The following OLFML2B variants were observed in gnomAD, a reference collection of about 807,000 sequenced individuals.
OLFML2B encodes the protein olfactomedin like 2B.
Under a neutral mutation model 74.9 loss-of-function variants are expected in OLFML2B, and 57 were observed. The ratio of observed to expected loss-of-function variants is 0.76; its 90% CI spans 0.61 to 0.95. The LOEUF (loss-of-function observed/expected upper bound fraction) is 0.95. OLFML2B is among the 40% of genes least tolerant of loss of function. The probability of loss-of-function intolerance (pLI) is 0.00; values close to 1 mark genes in which losing one functional copy is unlikely to be tolerated. For missense variants in OLFML2B, 986 were observed against 970.6 expected, an observed-to-expected ratio of 1.02 and a Z score of -0.21; for synonymous variants, 388 against 405.8, an observed-to-expected ratio of 0.96 and a Z score of 0.53.
intron 4 of OLFML2B, among the ~76,000 whole-genome samples, chr1:162,003,859 G>A (rs1360803911): frequency 2.0e-5 from 3 of 152,180 alleles, no homozygotes; most frequent in African/African-American, 7.2e-5. Context: ...ACAAAAGAGA[G>A]GGATGGCAAG....
chr1:162,022,244 C>CTTTTTTTTTTTTTTTTTTTTTTTTTTTT (rs56395023), intron 1 of OLFML2B, among the ~76,000 whole-genome samples: 18 of 70,772 alleles, frequency 2.5e-4, no homozygotes, highest in African/African-American at 3.5e-4. Flanking sequence ...TGTATCTCTT[C>CTTTTTTTTTTTTTTTTTTTTTTTTTTTT]TTTTTTTTTT....
At chr1:161,989,552 T>C (rs1436425600) in intron 6 of OLFML2B, among the ~76,000 whole-genome samples, 1 of 152,224 alleles carries the variant, frequency 6.6e-6, no homozygotes, top group African/African-American at 2.4e-5. Context: ...GTATTCACCG[T>C]AAACCCAGGG....
In OLFML2B at chr1:161,997,916, C is replaced by G. The variant is rs375709733; in HGVS notation, c.1383G>C (p.Ser461=). Reference sequence around the variant, plus strand: ...ACCCAGCAGGAGCATCTTTCCCCAGCGAGTCTGTTCTGACTGTGGTGGGAG... The same window carrying G: ...ACCCAGCAGGAGCATCTTTCCCCAGGGAGTCTGTTCTGACTGTGGTGGGAG... ...PVPPTTVRTD[S]LGKDAPAGWG... Residue 461 remains serine, a synonymous_variant, in exon 6 of 8, where the codon TCG becomes TCC. Coordinates refer to ENST00000294794, the MANE Select transcript of OLFML2B (RefSeq NM_015441.3). The G allele has an allele frequency of 2.5e-6, 4 of 1,614,186 alleles. No individual in the cohort carries two copies. Among genetic ancestry groups the G allele is most frequent in the East Asian group, 4.5e-5 (2 of 44,884 alleles).
intron 6 of OLFML2B, among the ~76,000 whole-genome samples, chr1:161,995,677 G>A (rs1689876768): frequency 6.6e-6 from 1 of 152,210 alleles, no homozygotes; most frequent in African/African-American, 2.4e-5. Flanking sequence ...GACGGAAGAG[G>A]CTCCCAGGCT....
chr1:161,984,299 A>C, intron 7 of OLFML2B, 23 bp from the exon 8 acceptor site: 1 of 1,516,026 alleles, frequency 6.6e-7, no homozygotes. Flanking sequence ...AGAAAACAGG[A>C]GGCTTCAGAG....
At chr1:162,019,818 C>A in intron 2 of OLFML2B, 101 bp downstream of exon 2, 1 of 1,432,436 alleles carries the variant, frequency 7.0e-7, no homozygotes, top group African/African-American at 1.4e-5. Flanking sequence ...ACAGGCCTGA[C>A]CTTCTTCAAA....
chr1:162,013,809 C>T (rs1690457517), intron 3 of OLFML2B, among the ~76,000 whole-genome samples: 1 of 151,644 alleles, frequency 6.6e-6, no homozygotes, highest in South Asian at 2.1e-4. Context: ...GAATACTACA[C>T]AGCAATAAAA....
intron 5 of OLFML2B, among the ~76,000 whole-genome samples, chr1:161,999,414 C>T (rs991935899): frequency 2.6e-5 from 4 of 152,024 alleles, no homozygotes; most frequent in African/African-American, 7.3e-5. Context: ...AAAATGATGA[C>T]GCCAGCTACT....
At chr1:162,013,950 T>G (rs530158903) in intron 3 of OLFML2B, among the ~76,000 whole-genome samples, 3 of 147,394 alleles carry the variant, frequency 2.0e-5, no homozygotes, top group South Asian at 2.2e-4. Flanking sequence ...TTCTGTAGGA[T>G]TCTATGTATT....
intron 3 of OLFML2B, among the ~76,000 whole-genome samples, chr1:162,014,034 G>A (rs561942129): frequency 6.6e-5 from 10 of 151,800 alleles, no homozygotes; most frequent in African/African-American, 2.4e-4. Context: ...AGAAAAACAA[G>A]GAAAATGATT....
intron 3 of OLFML2B, among the ~76,000 whole-genome samples, chr1:162,011,393 G>A (rs1408003101): frequency 6.6e-6 from 1 of 152,164 alleles, no homozygotes; most frequent in East Asian, 1.9e-4. Flanking sequence ...TCAGCTCACC[G>A]TGCTCAACCT....
chr1:162,012,001 G>A (rs944649781), intron 3 of OLFML2B, among the ~76,000 whole-genome samples: 1 of 152,046 alleles, frequency 6.6e-6, no homozygotes, highest in African/African-American at 2.4e-5. Flanking sequence ...GTAATATATT[G>A]GCTTTAACTC....
chr1:162,017,343 T>G, intron 3 of OLFML2B, 57 bp downstream of exon 3: 1 of 1,333,612 alleles, frequency 7.5e-7, no homozygotes, highest in Non-Finnish European at 1.1e-6. Flanking sequence ...TGTGGGACGT[T>G]TGATATGCTT....
At chr1:162,005,902 C>CAAAAAAAAA (rs71093139) in intron 4 of OLFML2B, among the ~76,000 whole-genome samples, 2 of 77,876 alleles carry the variant, frequency 2.6e-5, no homozygotes, top group African/African-American at 3.4e-5. Context: ...TGGAACCTAT[C>CAAAAAAAAA]AAAAAAAAAA....
chr1:162,014,232 T>C (rs763392098), intron 3 of OLFML2B, among the ~76,000 whole-genome samples: 4 of 152,180 alleles, frequency 2.6e-5, no homozygotes, highest in Non-Finnish European at 5.9e-5. Flanking sequence ...ATGTGTCGTT[T>C]TTCAGTATTT....
chr1:161,991,801 G>C (rs775420358), intron 6 of OLFML2B, among the ~76,000 whole-genome samples: 1 of 152,202 alleles, frequency 6.6e-6, no homozygotes, highest in Non-Finnish European at 1.5e-5. Context: ...AGTAAACCAT[G>C]CTGTAAAAAG....
Position 162,005,901 on chromosome 1 carries a change from T to G in OLFML2B, c.723+396A>C, listed in dbSNP as rs1253333183. ...GCCTTGGTGGCAGAGCTGGAACCTA[T>G]CAAAAAAAAAAAAAAAAAAAAAAAA... On this transcript the variant is annotated intron_variant, in intron 4 of 7. Transcript: ENST00000294794. Among the ~76,000 whole-genome samples the G allele has an allele frequency of 4.9e-3, 95 of 19,372 alleles. 2 individuals carry two copies. The highest frequency in any genetic ancestry group is 0.041 in the African/African-American group (92 of 2,220). The allele number at this position is 19,372 out of a possible 152,430, so 12.7% of individuals were successfully genotyped here.
At chr1:162,001,539 C>T (rs1690079518) in intron 4 of OLFML2B, among the ~76,000 whole-genome samples, 1 of 152,188 alleles carries the variant, frequency 6.6e-6, no homozygotes. Context: ...CTGATCATGC[C>T]AGCCCTGGAC....
chr1:161,998,352 G>A lies in OLFML2B; in HGVS notation c.950-3C>T. 1 of 1,544,222 alleles carries A rather than the reference G, an allele frequency of 6.5e-7. No homozygotes were observed. The highest frequency in any genetic ancestry group is 1.2e-5 in the South Asian group (1 of 81,000). ...GTCACCGCTGAAAAACTCATCTTCT[G>A]TGAAACAAACACAAGGTTCACTGTG... On this transcript the variant is annotated splice_polypyrimidine_tract_variant and splice_region_variant and intron_variant, in intron 5 of 7. Coordinates refer to ENST00000294794, the MANE Select transcript of OLFML2B (RefSeq NM_015441.3).
Sources: allele counts gnomAD v4.1 joint callset (sites outside exome capture counted in the v4.1 genomes callset), GRCh38; gene constraint gnomAD v4.1.1; transcripts MANE v1.5; gene names NCBI Gene and HGNC (gene_info 2026-07-23, HGNC 2026-07-21).